The following SLC24A4 variants were observed in gnomAD, a reference collection of about 807,000 sequenced individuals.
SLC24A4 encodes the protein solute carrier family 24 member 4, also known as sodium/potassium/calcium exchanger 4.
In SLC24A4, 53 loss-of-function variants were observed where a neutral mutation model predicts 79.0. The ratio of observed to expected loss-of-function variants is 0.67; its 90% CI spans 0.54 to 0.84. The LOEUF (loss-of-function observed/expected upper bound fraction) is 0.84. Ranked by LOEUF, SLC24A4 falls within the 40% of genes least tolerant of loss-of-function variation. SLC24A4 has a pLI of 0.00. For synonymous variants in SLC24A4, 323 were observed against 323.8 expected (o/e 1.00, Z 0.03); for missense variants, 731 against 822.0 (o/e 0.89, Z 1.35).
chr14:92,449,077 C>CA lies in SLC24A4; in HGVS notation c.743dup (p.Asn248LysfsTer19), dbSNP rs1439750223. 1 of 1,614,004 alleles carries CA rather than the reference C, an allele frequency of 6.2e-7. No homozygotes were observed. Among genetic ancestry groups the CA allele is most frequent in the African/African-American group, 1.3e-5 (1 of 74,912 alleles). On this transcript the variant is annotated frameshift_variant, in exon 10 of 17. Transcript: ENST00000532405. LOFTEE classifies it high-confidence loss of function. ...TCCTGCCTCCCCTCGCTTCCAGGTA[C>CA]AATGTGAAGATGCAAGCCTTTTTCA...
chr14:92,460,166 G>T (rs1031121004), intron 12 of SLC24A4, among the ~76,000 whole-genome samples: 1 of 152,256 alleles, frequency 6.6e-6, no homozygotes, highest in African/African-American at 2.4e-5. Flanking sequence ...AAGCTGGGAG[G>T]CCGGCTCTGG....
intron 2 of SLC24A4, among the ~76,000 whole-genome samples, chr14:92,400,478 T>C (rs1890056587): frequency 7.1e-6 from 1 of 140,330 alleles, no homozygotes; most frequent in Admixed American, 7.1e-5. Context: ...GAAAAATACA[T>C]ACACACAGCC....
At chr14:92,378,209 G>A (rs1015387250) in intron 2 of SLC24A4, among the ~76,000 whole-genome samples, 1 of 152,146 alleles carries the variant, frequency 6.6e-6, no homozygotes, top group Non-Finnish European at 1.5e-5. Context: ...ATTGAACGTT[G>A]AGGTTGTTTG....
intron 12 of SLC24A4, among the ~76,000 whole-genome samples, chr14:92,478,253 A>G (rs1379184491): frequency 6.6e-6 from 1 of 152,214 alleles, no homozygotes; most frequent in Non-Finnish European, 1.5e-5. Flanking sequence ...AGTTGTGCTC[A>G]TGTTATTTTA....
rs1384888094 is a variant in SLC24A4 at position 92,492,970 on chromosome 14, A to ACG, written c.1717-505_1717-504insGC. Reference sequence around the variant, plus strand: ...AACCCTCTACCCCAAACACACACACACACACACACACACACACACACACAC... The same window carrying ACG: ...AACCCTCTACCCCAAACACACACACACGCACACACACACACACACACACACAC... On this transcript the variant is annotated intron_variant, in intron 16 of 16. Coordinates refer to ENST00000532405, the MANE Select transcript of SLC24A4 (RefSeq NM_153646.4). The ACG allele has an allele frequency of 2.3e-3, 279 of 121,180 alleles. 2 individuals carry two copies. The highest frequency in any genetic ancestry group is 5.3e-3 in the Admixed American group (37 of 6,940). The allele number at this position is 121,180 out of a possible 1,614,324, so 7.5% of individuals were successfully genotyped here.
chr14:92,453,841 C>T, intron 10 of SLC24A4, 59 bp from the exon 11 acceptor site: 2 of 1,506,090 alleles, frequency 1.3e-6, no homozygotes, highest in Non-Finnish European at 1.8e-6. Context: ...TCAGTGGCCC[C>T]AGCACTTGGG....
chr14:92,438,932 C>G (rs892774124), intron 3 of SLC24A4, among the ~76,000 whole-genome samples: 14 of 152,326 alleles, frequency 9.2e-5, no homozygotes, highest in African/African-American at 2.9e-4. Context: ...TGCCCCCATC[C>G]TGAAGCTACC....
chr14:92,454,673 C>T (rs149823339), intron 11 of SLC24A4, among the ~76,000 whole-genome samples: 5 of 152,216 alleles, frequency 3.3e-5, no homozygotes, highest in Admixed American at 6.5e-5. Context: ...AGACTTCAAA[C>T]TGTGATCGCT....
intron 2 of SLC24A4, among the ~76,000 whole-genome samples, chr14:92,405,316 G>C (rs1890315813): frequency 6.6e-6 from 1 of 152,190 alleles, no homozygotes; most frequent in African/African-American, 2.4e-5. Context: ...GTTTGTGTTT[G>C]TAAAAAAGAG....
At chr14:92,449,342 C>G in intron 10 of SLC24A4, 126 bp downstream of exon 10, 1 of 1,279,978 alleles carries the variant, frequency 7.8e-7, no homozygotes, top group Non-Finnish European at 1.1e-6. Flanking sequence ...AATGTCCCCC[C>G]TCTAAATTGT....
At chr14:92,439,731 G>T (rs1374865224) in intron 4 of SLC24A4, among the ~76,000 whole-genome samples, 4 of 152,250 alleles carry the variant, frequency 2.6e-5, no homozygotes, top group African/African-American at 9.6e-5. Flanking sequence ...CCTGCCAGCT[G>T]CAGTGGAGCA....
At chr14:92,407,948 T>A (rs1042297458) in intron 2 of SLC24A4, among the ~76,000 whole-genome samples, 1 of 147,004 alleles carries the variant, frequency 6.8e-6, no homozygotes, top group Non-Finnish European at 1.5e-5. Context: ...CAGATAGAAA[T>A]TATTTCCAAT....
At chr14:92,428,294 C>T (rs996744033) in intron 2 of SLC24A4, among the ~76,000 whole-genome samples, 1 of 152,138 alleles carries the variant, frequency 6.6e-6, no homozygotes. Flanking sequence ...TCTGAGTCCC[C>T]TAGGTTGGCA....
chr14:92,401,233 T>G (rs904891577), intron 2 of SLC24A4, among the ~76,000 whole-genome samples: 2 of 152,192 alleles, frequency 1.3e-5, no homozygotes, highest in Non-Finnish European at 2.9e-5. Context: ...CCCCATTGTG[T>G]GCCTGCTGCT....
intron 1 of SLC24A4, among the ~76,000 whole-genome samples, 161 bp downstream of exon 1, chr14:92,324,121 G>C (rs1884971035): frequency 6.6e-6 from 1 of 152,230 alleles, no homozygotes; most frequent in Non-Finnish European, 1.5e-5. Flanking sequence ...GCCCAGAAGA[G>C]CTGATGGACG....
intron 2 of SLC24A4, among the ~76,000 whole-genome samples, chr14:92,414,243 C>T (rs1337826442): frequency 6.6e-6 from 1 of 152,104 alleles, no homozygotes; most frequent in Admixed American, 6.5e-5. Flanking sequence ...TGGCTCTACC[C>T]ACTAAATGCC....
rs892947894 is a variant in SLC24A4, at chr14:92,494,268, T to C, written c.*640T>C. 1.3e-5 allele frequency: 2 copies of C among 152,738 alleles called. No individual in the cohort carries two copies. The highest frequency in any genetic ancestry group is 4.8e-5 in the African/African-American group (2 of 41,460). The allele number at this position is 152,738 out of a possible 1,614,324, so 9.5% of individuals were successfully genotyped here. A position where few individuals can be genotyped will look rare whatever the true frequency, so the allele number is the denominator to read the frequency against. On this transcript the variant is annotated 3_prime_UTR_variant, in exon 17 of 17. Coordinates refer to ENST00000532405, the MANE Select transcript of SLC24A4 (RefSeq NM_153646.4). The surrounding 1 kb of genome is among the most constrained non-coding windows in gnomAD (Gnocchi z 4.6). ...AAGAGAGAAAATGAGTGAATATTCTTCTCACTTTTATTGATGCATTCAGAG... is the reference window on the plus strand; with the variant it reads ...AAGAGAGAAAATGAGTGAATATTCTCCTCACTTTTATTGATGCATTCAGAG...
intron 12 of SLC24A4, among the ~76,000 whole-genome samples, chr14:92,469,980 T>C (rs1894348207): frequency 1.3e-5 from 2 of 152,224 alleles, no homozygotes; most frequent in Admixed American, 1.3e-4. Flanking sequence ...TGGAATTATA[T>C]AGTGGTCATA....
intron 2 of SLC24A4, among the ~76,000 whole-genome samples, chr14:92,410,236 C>T (rs7154136): frequency 0.51 from 78,202 of 152,012 alleles, 20,994 homozygotes; most frequent in East Asian, 0.78. Context: ...GGCTGGAGTG[C>T]GGTGGTACAA....
Sources: gnomAD v4.1 joint callset for allele counts (sites outside exome capture counted in the v4.1 genomes callset) on GRCh38, gnomAD v4.1.1 for gene constraint, Gnocchi (gnomAD v3.1) non-coding constraint, MANE v1.5 for transcripts, NCBI Gene and HGNC (gene_info 2026-07-23, HGNC 2026-07-21) for gene names.